Variants in CNTNAP2 observed in about 807,000 individuals in gnomAD.
The protein encoded by CNTNAP2 is contactin associated protein 2.
A neutral mutation model predicts 155.2 loss-of-function variants in CNTNAP2; 98 were observed. The observed-to-expected ratio is 0.63, with a 90% CI of 0.54 to 0.75. The LOEUF is 0.75. Ranked by LOEUF, CNTNAP2 falls within the 30% of genes least tolerant of loss-of-function variation. CNTNAP2 has a pLI of 0.00. For missense variants in CNTNAP2, 1,727 were observed against 1,688.1 expected (o/e 1.02, Z -0.40); for synonymous variants, 651 against 631.2 (o/e 1.03, Z -0.47).
chr7:146,783,628 T>G (rs1256565874), intron 2 of CNTNAP2, among the ~76,000 whole-genome samples: 1 of 152,352 alleles, frequency 6.6e-6, no homozygotes, highest in Non-Finnish European at 1.5e-5. Context: ...TTTTCAACCA[T>G]TACACTCAAT....
At chr7:147,498,171 TAA>T (rs58638014) in intron 11 of CNTNAP2, among the ~76,000 whole-genome samples, 29 of 130,386 alleles carry the variant, frequency 2.2e-4, no homozygotes, top group East Asian at 4.4e-4. Flanking sequence ...CAAGCTATGA[TAA>T]AAAAAAAAAA....
At chr7:146,531,577 G>T (rs749639503) in intron 1 of CNTNAP2, among the ~76,000 whole-genome samples, 3 of 152,000 alleles carry the variant, frequency 2.0e-5, no homozygotes, top group Admixed American at 6.6e-5. Context: ...GCGGAGTCTC[G>T]CTCAGTTGCC....
intron 10 of CNTNAP2, among the ~76,000 whole-genome samples, chr7:147,419,025 C>T (rs1797244792): frequency 6.6e-6 from 1 of 152,076 alleles, no homozygotes; most frequent in South Asian, 2.1e-4. Context: ...AAGCATGCTT[C>T]CTAAAAATAA....
At chr7:146,652,279 T>C (rs1211882113) in intron 1 of CNTNAP2, among the ~76,000 whole-genome samples, 1 of 152,184 alleles carries the variant, frequency 6.6e-6, no homozygotes, top group Non-Finnish European at 1.5e-5. Flanking sequence ...AGGAACATTT[T>C]CTGAATGACA....
chr7:146,576,261 T>C (rs1160284582), intron 1 of CNTNAP2, among the ~76,000 whole-genome samples: 1 of 152,224 alleles, frequency 6.6e-6, no homozygotes, highest in African/African-American at 2.4e-5. Flanking sequence ...CATTATTTAA[T>C]AGACTTTAAA....
chr7:147,272,649 C>T (rs966550809), intron 8 of CNTNAP2, among the ~76,000 whole-genome samples: 2 of 148,066 alleles, frequency 1.4e-5, no homozygotes, highest in Non-Finnish European at 3.0e-5. Flanking sequence ...CAGGCGCCGC[C>T]ACCACGCCCG....
intron 12 of CNTNAP2, among the ~76,000 whole-genome samples, 195 bp downstream of exon 12, chr7:147,562,452 A>G (rs1800082509): frequency 6.6e-6 from 1 of 152,220 alleles, no homozygotes; most frequent in Non-Finnish European, 1.5e-5. Flanking sequence ...GTGCTTTTCA[A>G]AAAGTTCATG....
At chr7:146,697,239 A>AT (rs1800796644) in intron 1 of CNTNAP2, among the ~76,000 whole-genome samples, 1 of 138,992 alleles carries the variant, frequency 7.2e-6, no homozygotes, top group South Asian at 2.1e-4. Flanking sequence ...AAATTTATTT[A>AT]TTTATTTATT....
chr7:147,760,210 T>C (rs1006112648), intron 13 of CNTNAP2, among the ~76,000 whole-genome samples: 4 of 150,880 alleles, frequency 2.7e-5, no homozygotes. Flanking sequence ...CCATCAGAAA[T>C]CCTTATCTAC....
chr7:148,187,109 TACAC>T (rs142565546), intron 18 of CNTNAP2, among the ~76,000 whole-genome samples: 2,721 of 49,270 alleles, frequency 0.055, 58 homozygotes, highest in African/African-American at 0.096. Flanking sequence ...CAAGGAAACA[TACAC>T]ACACACACAC....
At chr7:146,552,204 A>G (rs1346400340) in intron 1 of CNTNAP2, among the ~76,000 whole-genome samples, 1 of 152,146 alleles carries the variant, frequency 6.6e-6, no homozygotes. Context: ...TTTTCTTCCC[A>G]CACGTCAGAA....
At chr7:147,111,996 C>A (rs578156832) in intron 5 of CNTNAP2, among the ~76,000 whole-genome samples, 1 of 152,130 alleles carries the variant, frequency 6.6e-6, no homozygotes, top group South Asian at 2.1e-4. Flanking sequence ...TCCTATTCTC[C>A]CTATCCATGA....
At chr7:146,932,366 G>A (rs1486711795) in intron 3 of CNTNAP2, among the ~76,000 whole-genome samples, 1 of 151,832 alleles carries the variant, frequency 6.6e-6, no homozygotes, top group Admixed American at 6.6e-5. Flanking sequence ...TGCAGAAAAG[G>A]CCTTTGACAA....
At chr7:148,387,473 C>CGTGA (rs1799238442) in intron 22 of CNTNAP2, among the ~76,000 whole-genome samples, 1 of 152,096 alleles carries the variant, frequency 6.6e-6, no homozygotes, top group African/African-American at 2.4e-5. Context: ...CATGAGAGCT[C>CGTGA]GTGAGTCCTG....
At chr7:146,822,093 C>T (rs1352275944) in intron 2 of CNTNAP2, among the ~76,000 whole-genome samples, 1 of 152,122 alleles carries the variant, frequency 6.6e-6, no homozygotes, top group Non-Finnish European at 1.5e-5. Context: ...CAACGATAGA[C>T]TGGATTAAGA....
chr7:147,128,757 G>A lies in CNTNAP2; in HGVS notation c.1004G>A (p.Gly335Asp). The A allele has an allele frequency of 1.2e-6, 2 of 1,614,046 alleles. No individual in the cohort carries two copies. Among genetic ancestry groups the A allele is most frequent in the Non-Finnish European group, 8.5e-7 (1 of 1,179,962 alleles). Reference protein sequence around the residue: ...PSSSSRKNFKGCMESINYNGV... With the variant: ...PSSSSRKNFKDCMESINYNGV... Reference sequence around the variant, plus strand: ...TCCAGCAGTAGAAAGAATTTCAAAGGCTGCATGGAAAGCATCAACTACAAT... The same window carrying A: ...TCCAGCAGTAGAAAGAATTTCAAAGACTGCATGGAAAGCATCAACTACAAT... The change falls in exon 7 of 24, where the codon GGC becomes GAC. Residue 335 changes from glycine to aspartate, a missense_variant. Coordinates refer to ENST00000361727, the MANE Select transcript of CNTNAP2 (RefSeq NM_014141.6).
chr7:146,607,429 G>T (rs772492299), intron 1 of CNTNAP2, among the ~76,000 whole-genome samples: 2 of 151,886 alleles, frequency 1.3e-5, no homozygotes, highest in African/African-American at 2.4e-5. Context: ...AACTCAACGA[G>T]CCTAAAACTA....
chr7:146,365,715 G>T (rs1795146085), intron 1 of CNTNAP2, among the ~76,000 whole-genome samples: 2 of 152,126 alleles, frequency 1.3e-5, no homozygotes, highest in African/African-American at 4.8e-5. Flanking sequence ...AGTCAGTTGT[G>T]TTTTCTTTAA....
At chr7:147,737,586 C>A (rs1796876277) in intron 13 of CNTNAP2, among the ~76,000 whole-genome samples, 1 of 152,168 alleles carries the variant, frequency 6.6e-6, no homozygotes, top group African/African-American at 2.4e-5. Context: ...TTTCTGCTGC[C>A]TTTTGTTCGG....
Sources: gnomAD v4.1 joint callset for allele counts (sites outside exome capture counted in the v4.1 genomes callset) on GRCh38, gnomAD v4.1.1 for gene constraint, MANE v1.5 for transcripts, NCBI Gene and HGNC (gene_info 2026-07-23, HGNC 2026-07-21) for gene names.